Variants in NPAS3 observed in about 807,000 individuals in gnomAD.
NPAS3 encodes the protein neuronal PAS domain-containing protein 3.
NPAS3 carries 14 observed loss-of-function variants against 73.1 expected under a neutral mutation model. That is an observed-to-expected ratio of 0.19 (90% confidence interval 0.13 to 0.30). The LOEUF is 0.30. Among genes scored for constraint, NPAS3 ranks in the 10% least tolerant of loss-of-function variants. The probability of loss-of-function intolerance (pLI) is 1.00; values close to 1 mark genes in which losing one functional copy is unlikely to be tolerated. For missense variants in NPAS3, 1,096 were observed against 1,250.0 expected, an observed-to-expected ratio of 0.88 and a Z score of 1.86; for synonymous variants, 620 against 541.5, an observed-to-expected ratio of 1.14 and a Z score of -2.01.
intron 5 of NPAS3, among the ~76,000 whole-genome samples, chr14:33,653,789 G>A (rs1444520677): frequency 1.3e-5 from 2 of 152,160 alleles, no homozygotes; most frequent in Non-Finnish European, 2.9e-5. Context: ...AAGGCCACTT[G>A]CTGTTTTTAT....
intron 1 of NPAS3, among the ~76,000 whole-genome samples, chr14:33,031,647 A>C (rs2039997866): frequency 6.6e-6 from 1 of 152,154 alleles, no homozygotes; most frequent in Admixed American, 6.6e-5. Flanking sequence ...TGTGCACCAC[A>C]CCTGGCTAAT....
intron 5 of NPAS3, chr14:33,612,534 TG>T: frequency 2.2e-6 from 1 of 456,032 alleles, no homozygotes; most frequent in Non-Finnish European, 4.4e-6. Flanking sequence ...TTAGTTCCTC[TG>T]GCTTTAAAAG....
rs1455501754 is a variant in NPAS3 at position 33,789,689 on chromosome 14, C to T, written c.1154-4208C>T. Among the ~76,000 whole-genome samples, 3 of 145,616 alleles carry T rather than the reference C, an allele frequency of 2.1e-5. No individual in the cohort carries two copies. In the Admixed American group the frequency reaches 2.1e-4, roughly 10 times the overall value. ...CTGCAAGCTCCGCCTCCCGGGTTCA[C>T]GCCATTCTCCTGCCTCAGCCTCCCA... is the stretch of plus-strand genomic sequence containing the variant. On this transcript the variant is annotated intron_variant, in intron 9 of 11. Coordinates refer to ENST00000356141, the Ensembl canonical transcript of NPAS3.
chr14:33,071,418 G>A (rs994357024), intron 2 of NPAS3, among the ~76,000 whole-genome samples: 7 of 152,062 alleles, frequency 4.6e-5, no homozygotes, highest in African/African-American at 1.7e-4. Flanking sequence ...GTTTTCATAA[G>A]CCAAAGATTT....
intron 7 of NPAS3, among the ~76,000 whole-genome samples, chr14:33,751,580 T>C (rs1165169023): frequency 1.3e-5 from 2 of 152,214 alleles, no homozygotes; most frequent in East Asian, 3.9e-4. Context: ...GTATCTAGAT[T>C]ATTGGAAATG....
intron 5 of NPAS3, among the ~76,000 whole-genome samples, chr14:33,622,888 A>G (rs2058117114): frequency 6.6e-6 from 1 of 152,186 alleles, no homozygotes; most frequent in African/African-American, 2.4e-5. Flanking sequence ...CCGGCACCCA[A>G]TACCATGCTA....
intron 4 of NPAS3, among the ~76,000 whole-genome samples, chr14:33,476,763 G>A (rs1015825167): frequency 6.6e-6 from 1 of 152,086 alleles, no homozygotes; most frequent in African/African-American, 2.4e-5. Flanking sequence ...TTTACCTTGT[G>A]GGGTATTTGT....
chr14:33,204,766 A>G (rs1222236553), intron 2 of NPAS3, among the ~76,000 whole-genome samples: 1 of 152,170 alleles, frequency 6.6e-6, no homozygotes, highest in Non-Finnish European at 1.5e-5. Context: ...CCCTTGTGGG[A>G]TAACTTGAGA....
chr14:33,624,646 A>G (rs918615972), intron 5 of NPAS3, among the ~76,000 whole-genome samples: 5 of 152,122 alleles, frequency 3.3e-5, no homozygotes, highest in Non-Finnish European at 7.4e-5. Context: ...ATTGATACAT[A>G]GAAAAAAGTT....
At chr14:33,151,734 A>G (rs2044451597) in intron 2 of NPAS3, among the ~76,000 whole-genome samples, 1 of 152,200 alleles carries the variant, frequency 6.6e-6, no homozygotes, top group Non-Finnish European at 1.5e-5. Context: ...CATTCCTACA[A>G]GTGTAGGTGA....
intron 2 of NPAS3, among the ~76,000 whole-genome samples, chr14:33,165,705 CTTT>C (rs369772305): frequency 6.8e-6 from 1 of 146,368 alleles, no homozygotes; most frequent in African/African-American, 2.5e-5. Flanking sequence ...TACTTCCTCT[CTTT>C]TTTTTTTTAA....
chr14:33,693,949 T>A (rs1232556950), intron 6 of NPAS3, among the ~76,000 whole-genome samples: 1 of 152,158 alleles, frequency 6.6e-6, no homozygotes, highest in African/African-American at 2.4e-5. Flanking sequence ...TACCTCTGAC[T>A]AACTTAAAGA....
intron 4 of NPAS3, among the ~76,000 whole-genome samples, chr14:33,487,466 A>T (rs1460588423): frequency 6.6e-6 from 1 of 152,220 alleles, no homozygotes; most frequent in Non-Finnish European, 1.5e-5. Flanking sequence ...GGACTTGATT[A>T]CAGGAGCTTG....
intron 1 of NPAS3, among the ~76,000 whole-genome samples, chr14:33,031,425 T>C (rs562185232): frequency 1.3e-5 from 2 of 152,188 alleles, no homozygotes; most frequent in South Asian, 4.1e-4. Flanking sequence ...GACTCCAAGT[T>C]CAGTTCTCTT....
chr14:33,229,061 C>T (rs1362570218), intron 3 of NPAS3, among the ~76,000 whole-genome samples: 2 of 151,980 alleles, frequency 1.3e-5, no homozygotes, highest in Non-Finnish European at 2.9e-5. Context: ...AGAATTGTGG[C>T]CCTCCAGATG....
At chr14:33,375,732 T>C (rs17100871) in intron 4 of NPAS3, among the ~76,000 whole-genome samples, 1,763 of 152,320 alleles carry the variant, frequency 0.012, 27 homozygotes, top group African/African-American at 0.04. Flanking sequence ...GGAAAATGTT[T>C]TTAAAGTTGA....
intron 4 of NPAS3, among the ~76,000 whole-genome samples, chr14:33,555,989 C>A (rs8020432): frequency 0.68 from 103,341 of 151,674 alleles, 35,432 homozygotes; most frequent in East Asian, 0.73. Context: ...CGTTATTTTT[C>A]ATTGAATTGA....
At chr14:33,499,058 G>A (rs7143272) in intron 4 of NPAS3, among the ~76,000 whole-genome samples, 66,365 of 150,458 alleles carry the variant, frequency 0.44, 14,967 homozygotes, top group South Asian at 0.57. Flanking sequence ...AAAGTTGTGT[G>A]ATTACACAGG....
At chr14:33,043,026 T>A (rs1486045549) in intron 1 of NPAS3, among the ~76,000 whole-genome samples, 1 of 152,106 alleles carries the variant, frequency 6.6e-6, no homozygotes, top group Non-Finnish European at 1.5e-5. Context: ...CATAATGTAG[T>A]TTTAGTTGAA....
Sources: allele counts gnomAD v4.1 joint callset (sites outside exome capture counted in the v4.1 genomes callset), GRCh38; gene constraint gnomAD v4.1.1; transcripts MANE v1.5; gene names NCBI Gene and HGNC (gene_info 2026-07-23, HGNC 2026-07-21).